MARCHF10: variants seen among roughly 807,000 people sequenced by gnomAD.
MARCHF10 encodes probable E3 ubiquitin-protein ligase MARCHF10.
In MARCHF10, 64 loss-of-function variants were observed where a neutral mutation model predicts 76.2. The ratio of observed to expected loss-of-function variants is 0.84; its 90% CI spans 0.69 to 1.03. The LOEUF (loss-of-function observed/expected upper bound fraction) is 1.03, where lower values mean the gene tolerates loss of function less well. MARCHF10 is among the 50% of genes least tolerant of loss of function. The pLI is 0.00. For synonymous variants in MARCHF10, 340 were observed against 357.5 expected (o/e 0.95, Z 0.55); for missense variants, 875 against 958.0 (o/e 0.91, Z 1.14).
At chr17:62,704,980 GAGA>G (rs1030945651) in intron 10 of MARCHF10, 1 of 979,404 alleles carries the variant, frequency 1.0e-6, no homozygotes, top group African/African-American at 1.8e-5. Context: ...AAGGAACAGG[GAGA>G]AGGCTTTTCT....
intron 2 of MARCHF10, among the ~76,000 whole-genome samples, chr17:62,797,609 G>A (rs770815444): frequency 1.2e-4 from 18 of 152,196 alleles, no homozygotes; most frequent in Non-Finnish European, 2.1e-4. Flanking sequence ...GGGGAGCAAG[G>A]TGAAGAAGGG....
chr17:62,746,781 G>C (rs986818461), intron 4 of MARCHF10: 2 of 906,874 alleles, frequency 2.2e-6, no homozygotes, highest in Non-Finnish European at 3.4e-6. Flanking sequence ...AGGAATCCCA[G>C]CAGAATATTC....
intron 10 of MARCHF10, among the ~76,000 whole-genome samples, chr17:62,703,829 C>T (rs1262141601): frequency 6.6e-6 from 1 of 152,252 alleles, no homozygotes; most frequent in African/African-American, 2.4e-5. Context: ...CTTCTGCCCT[C>T]CGGAGACGTC....
chr17:62,748,369 C>A (rs1027821211), intron 4 of MARCHF10, among the ~76,000 whole-genome samples: 2 of 152,082 alleles, frequency 1.3e-5, no homozygotes, highest in African/African-American at 2.4e-5. Flanking sequence ...TGCACTCCAG[C>A]CTCCAGGCCG....
intron 3 of MARCHF10, among the ~76,000 whole-genome samples, chr17:62,776,778 G>A (rs183677982): frequency 7.9e-5 from 12 of 152,272 alleles, no homozygotes; most frequent in East Asian, 1.9e-4. Flanking sequence ...ACTTCAGGCC[G>A]TTCTGAGTTT....
chr17:62,777,948 G>T (rs972395066), intron 3 of MARCHF10, among the ~76,000 whole-genome samples: 6 of 152,100 alleles, frequency 3.9e-5, no homozygotes, highest in Non-Finnish European at 8.8e-5. Flanking sequence ...AAGTCCCAAG[G>T]CTGGGGCTCA....
chr17:62,801,473 T>TA (rs1445185280), intron 2 of MARCHF10, among the ~76,000 whole-genome samples, 173 bp downstream of exon 2: 47 of 152,036 alleles, frequency 3.1e-4, no homozygotes, highest in Admixed American at 1.9e-3. Context: ...TTTTTTTTTT[T>TA]TTTACAGACG....
chr17:62,765,974 A>C (rs1430671645), intron 3 of MARCHF10, among the ~76,000 whole-genome samples: 1 of 152,040 alleles, frequency 6.6e-6, no homozygotes, highest in Non-Finnish European at 1.5e-5. Flanking sequence ...AGGCTGAGGC[A>C]CTTGAGCCCA....
At chr17:62,743,826 T>A (rs879853294) in intron 5 of MARCHF10, among the ~76,000 whole-genome samples, 7 of 152,152 alleles carry the variant, frequency 4.6e-5, no homozygotes, top group Non-Finnish European at 7.4e-5. Context: ...AAGCATAGAT[T>A]CGTTCCAATA....
intron 3 of MARCHF10, among the ~76,000 whole-genome samples, chr17:62,761,431 T>C (rs2092199086): frequency 1.3e-5 from 2 of 151,940 alleles, no homozygotes; most frequent in African/African-American, 4.8e-5. Context: ...TCTTTTTTTC[T>C]TTTTTTTGAG....
chr17:62,754,875 G>A (rs2091995672), intron 4 of MARCHF10, among the ~76,000 whole-genome samples: 1 of 152,156 alleles, frequency 6.6e-6, no homozygotes, highest in Non-Finnish European at 1.5e-5. Flanking sequence ...AAAATCTTCA[G>A]AAGAATGTAT....
Position 62,736,719 on chromosome 17 carries a change from T to G in MARCHF10, c.1149A>C (p.Glu383Asp). 6.2e-7 allele frequency: 1 copy of G among 1,614,184 alleles called. No individual in the cohort carries two copies. The highest frequency in any genetic ancestry group is 8.5e-7 in the Non-Finnish European group (1 of 1,180,022). The change falls in exon 6 of 11, where the codon GAA (glutamate) becomes GAC (aspartate). Residue 383 changes from glutamate to aspartate, a missense_variant. Physicochemically the swap from Glu to Asp is conservative, Grantham distance 45. Coordinates refer to ENST00000311269, the MANE Select transcript of MARCHF10 (RefSeq NM_152598.4). ...LSQDPGLPDRESATEKDRGGS... is the reference protein window; with the variant it reads ...LSQDPGLPDRDSATEKDRGGS... ...CACCTCTGTCCTTCTCTGTAGCAGA[T>G]TCCCTATCAGGCAGCCCGGGGTCTT...
At chr17:62,776,056 C>A (rs1329538689) in intron 3 of MARCHF10, among the ~76,000 whole-genome samples, 1 of 152,106 alleles carries the variant, frequency 6.6e-6, no homozygotes, top group Non-Finnish European at 1.5e-5. Flanking sequence ...ACTTAGACTC[C>A]CAAAGTGTGG....
At chr17:62,704,963 A>AAT in intron 10 of MARCHF10, 2 of 460,894 alleles carry the variant, frequency 4.3e-6, no homozygotes, top group Non-Finnish European at 5.6e-6. Context: ...TTTTTTTTTA[A>AAT]TGGAAAAAGG....
rs146450813 is a variant in MARCHF10, at chr17:62,726,436, A to G, written c.1938-1332T>C. On this transcript the variant is annotated intron_variant, in intron 6 of 10. Coordinates refer to ENST00000311269, the MANE Select transcript of MARCHF10 (RefSeq NM_152598.4). Reference sequence around the variant, plus strand: ...AGAAGCAGAATTACAGTTTTCCATTATGGACATTCTCAATAACTTAAAGAC... The same window carrying G: ...AGAAGCAGAATTACAGTTTTCCATTGTGGACATTCTCAATAACTTAAAGAC... Among the ~76,000 whole-genome samples the G allele has an allele frequency of 3.9e-3, 601 of 152,376 alleles. 1 individual carries two copies. The highest frequency in any genetic ancestry group is 6.9e-3 in the Non-Finnish European group (468 of 68,034).
In MARCHF10 at chr17:62,711,893, C is replaced by T. The variant is rs1188853588; in HGVS notation, c.2215-549G>A. The stretch of plus-strand genomic sequence containing the variant: ...CTTTGCTTCCCAGTCCCTAAGCATT[C>T]GTCTTGATCTTGCATATCACCTTTT... On this transcript the variant is annotated intron_variant, in intron 8 of 10. Transcript: ENST00000311269. This position sits in a 1 kb window ranked among gnomAD's most constrained non-coding sequence, Gnocchi z 4.4. Among the ~76,000 whole-genome samples, 3 of 152,176 alleles carry T rather than the reference C, an allele frequency of 2.0e-5. No individual in the cohort carries two copies. Among genetic ancestry groups the T allele is most frequent in the Non-Finnish European group, 2.9e-5 (2 of 68,036 alleles).
intron 4 of MARCHF10, among the ~76,000 whole-genome samples, chr17:62,758,305 T>G (rs1013250071): frequency 6.6e-6 from 1 of 152,070 alleles, no homozygotes; most frequent in Non-Finnish European, 1.5e-5. Context: ...GCTGAGATCG[T>G]GCCACTGCAC....
chr17:62,792,979 C>T (rs1188589568), intron 2 of MARCHF10, among the ~76,000 whole-genome samples: 2 of 150,264 alleles, frequency 1.3e-5, no homozygotes, highest in Non-Finnish European at 3.0e-5. Context: ...ACCACCACCA[C>T]CTCCATCACT....
At chr17:62,737,552 TG>T (rs747617922) in intron 5 of MARCHF10, 22 of 547,018 alleles carry the variant, frequency 4.0e-5, no homozygotes, top group Non-Finnish European at 6.3e-5. Context: ...CCTAGGGAAA[TG>T]GGGGGACCCT....
Sources: gnomAD v4.1 joint callset for allele counts (sites outside exome capture counted in the v4.1 genomes callset) on GRCh38, gnomAD v4.1.1 for gene constraint, Gnocchi (gnomAD v3.1) non-coding constraint, MANE v1.5 for transcripts, NCBI Gene and HGNC (gene_info 2026-07-23, HGNC 2026-07-21) for gene names.